Variants in CLVS1 observed in about 807,000 individuals in gnomAD.
The protein encoded by CLVS1 is clavesin-1.
In CLVS1, 10 loss-of-function variants were observed where a neutral mutation model predicts 33.1. That is an observed-to-expected ratio of 0.30 (90% CI 0.19 to 0.51). The LOEUF is 0.51. Ranked by LOEUF, CLVS1 falls within the 20% of genes least tolerant of loss-of-function variation. The probability of loss-of-function intolerance (pLI) is 0.97; values close to 1 mark genes in which losing one functional copy is unlikely to be tolerated. For synonymous variants in CLVS1, 163 were observed against 166.1 expected, an observed-to-expected ratio of 0.98 and a Z score of 0.14; for missense variants, 343 against 433.4, an observed-to-expected ratio of 0.79 and a Z score of 1.85.
intron 3 of CLVS1, among the ~76,000 whole-genome samples, chr8:61,420,238 A>G (rs1815600726): frequency 6.6e-6 from 1 of 152,326 alleles, no homozygotes; most frequent in East Asian, 1.9e-4. Flanking sequence ...GGGTTGCTAC[A>G]AAAAGCATGT....
rs527756352 is a variant in CLVS1 at position 61,178,353 on chromosome 8, G to A, written c.-152+46493G>A. ...CAAGAAATTTGGGGCTATGTAAAAA[G>A]ACCAAACCTATGATTGATTGGAGTA... On this transcript the variant is annotated intron_variant, in intron 2 of 2. Coordinates refer to the CLVS1 transcript ENST00000522621. Among the ~76,000 whole-genome samples, 208 of 151,972 alleles carry A rather than the reference G, an allele frequency of 1.4e-3. 1 individual carries two copies. The highest frequency in any genetic ancestry group is 2.5e-3 in the Non-Finnish European group (167 of 67,960).
chr8:61,175,488 C>G (rs938223242), intron 2 of CLVS1, among the ~76,000 whole-genome samples: 19 of 152,058 alleles, frequency 1.2e-4, no homozygotes, highest in Non-Finnish European at 4.4e-5. Context: ...GTTATAGAAG[C>G]CTGAATGGAC....
chr8:61,211,324 C>T (rs1807966263), intron 2 of CLVS1, among the ~76,000 whole-genome samples: 1 of 151,758 alleles, frequency 6.6e-6, no homozygotes, highest in South Asian at 2.1e-4. Context: ...TCCTTCTCTT[C>T]CCCTTTCCTT....
chr8:61,167,788 T>A (rs902843305), intron 2 of CLVS1, among the ~76,000 whole-genome samples: 5 of 152,118 alleles, frequency 3.3e-5, no homozygotes, highest in Admixed American at 1.3e-4. Flanking sequence ...AAAACCAAGA[T>A]GACCATGAGA....
intron 1 of CLVS1, among the ~76,000 whole-genome samples, chr8:61,095,203 A>G (rs994964466): frequency 2.0e-5 from 3 of 152,246 alleles, no homozygotes; most frequent in African/African-American, 7.2e-5. Flanking sequence ...TGAATTTTTC[A>G]AAACAAAACT....
the CLVS1 span, among the ~76,000 whole-genome samples, chr8:61,015,440 T>G: frequency 6.6e-6 from 1 of 152,228 alleles, no homozygotes; most frequent in Non-Finnish European, 1.5e-5. Context: ...TAGTGTTTAG[T>G]AGTTGGGCTC....
intron 1 of CLVS1, among the ~76,000 whole-genome samples, chr8:61,107,486 C>T (rs964266767): frequency 1.1e-4 from 16 of 152,222 alleles, no homozygotes; most frequent in Non-Finnish European, 2.9e-5. Context: ...GGAGAACAAG[C>T]TCCCTTAAGC....
At chr8:61,231,306 A>ACACACACACACACACACACACT (rs1018645839) in intron 2 of CLVS1, among the ~76,000 whole-genome samples, 6 of 151,108 alleles carry the variant, frequency 4.0e-5, no homozygotes, top group African/African-American at 1.5e-4. Flanking sequence ...ACACACACAC[A>ACACACACACACACACACACACT]CTCTAATATT....
At chr8:61,435,942 T>C (rs1816315793) in intron 3 of CLVS1, among the ~76,000 whole-genome samples, 1 of 152,210 alleles carries the variant, frequency 6.6e-6, no homozygotes, top group Non-Finnish European at 1.5e-5. Flanking sequence ...AATTAGAATA[T>C]AAAGTCACCC....
the CLVS1 span, among the ~76,000 whole-genome samples, chr8:61,031,021 A>G: frequency 6.6e-6 from 1 of 152,248 alleles, no homozygotes; most frequent in Non-Finnish European, 1.5e-5. Context: ...AATTTATTGA[A>G]CCTCCAGAAT....
intron 3 of CLVS1, among the ~76,000 whole-genome samples, chr8:61,421,213 C>A (rs977096052): frequency 1.3e-5 from 2 of 152,174 alleles, no homozygotes; most frequent in East Asian, 1.9e-4. Flanking sequence ...AGCTGGATGC[C>A]ACTGCTCAAA....
intron 2 of CLVS1, among the ~76,000 whole-genome samples, chr8:61,333,334 G>A (rs1336802263): frequency 6.6e-6 from 1 of 152,150 alleles, no homozygotes; most frequent in African/African-American, 2.4e-5. Flanking sequence ...TCAGTGAATT[G>A]TGACAGTTGT....
chr8:61,421,548 C>T (rs61154743), intron 3 of CLVS1, among the ~76,000 whole-genome samples: 3,644 of 152,266 alleles, frequency 0.024, 156 homozygotes, highest in African/African-American at 0.083. Context: ...AAGCTAACTA[C>T]AATGCCCTAG....
chr8:61,090,989 C>T (rs1420522312), intron 1 of CLVS1: 6 of 371,070 alleles, frequency 1.6e-5, no homozygotes, highest in South Asian at 6.5e-5. Context: ...ATGACCCATG[C>T]CCCCCCACCA....
At chr8:61,360,761 G>A (rs1812939861) in intron 2 of CLVS1, among the ~76,000 whole-genome samples, 2 of 152,164 alleles carry the variant, frequency 1.3e-5, no homozygotes, top group African/African-American at 2.4e-5. Flanking sequence ...ATAAACACAA[G>A]CTCTTTCACT....
chr8:61,388,794 C>T (rs1191237708), intron 3 of CLVS1, among the ~76,000 whole-genome samples: 3 of 152,072 alleles, frequency 2.0e-5, no homozygotes, highest in African/African-American at 7.2e-5. Context: ...ATCCTCTCTT[C>T]TAGCTATTTG....
intron 1 of CLVS1, among the ~76,000 whole-genome samples, chr8:61,087,194 C>A (rs759938520): frequency 3.9e-5 from 6 of 152,142 alleles, no homozygotes; most frequent in Non-Finnish European, 8.8e-5. Flanking sequence ...TCCTGTGGAG[C>A]AGATGTGGAT....
intron 2 of CLVS1, among the ~76,000 whole-genome samples, chr8:61,168,491 A>G (rs1206031722): frequency 6.6e-6 from 1 of 152,242 alleles, no homozygotes; most frequent in Non-Finnish European, 1.5e-5. Context: ...CAATGTAGAG[A>G]AAATAATTAT....
chr8:61,253,375 T>C (rs1197732465), intron 2 of CLVS1, among the ~76,000 whole-genome samples: 2 of 152,198 alleles, frequency 1.3e-5, no homozygotes, highest in Non-Finnish European at 2.9e-5. Context: ...ATTTCAACTT[T>C]GGTGAATCTG....
Sources: gnomAD v4.1 joint callset for allele counts (sites outside exome capture counted in the v4.1 genomes callset) on GRCh38, gnomAD v4.1.1 for gene constraint, MANE v1.5 for transcripts, NCBI Gene and HGNC (gene_info 2026-07-23, HGNC 2026-07-21) for gene names.